VSIG1: variants seen among roughly 807,000 people sequenced by gnomAD.
VSIG1 encodes the protein V-set and immunoglobulin domain-containing protein 1.
Under a neutral mutation model 20.1 loss-of-function variants are expected in VSIG1, and 11 were observed. The ratio of observed to expected loss-of-function variants is 0.55; its 90% CI spans 0.34 to 0.91. VSIG1 has a LOEUF of 0.91. VSIG1 is among the 40% of genes least tolerant of loss of function. The pLI is 0.02. For missense variants in VSIG1, 283 were observed against 298.8 expected (o/e 0.95, Z 0.39); for synonymous variants, 126 against 116.7 (o/e 1.08, Z -0.52).
At chrX:108,024,243 A>G in the VSIG1 span, among the ~76,000 whole-genome samples, 1 of 111,621 alleles carries the variant, frequency 9.0e-6, no homozygotes, top group South Asian at 3.7e-4. Context: ...ATTTGTTCAT[A>G]GTATTTTCTG....
intron 1 of VSIG1, among the ~76,000 whole-genome samples, chrX:108,047,094 A>T (rs994625144): frequency 9.0e-6 from 1 of 111,567 alleles, no homozygotes; most frequent in Non-Finnish European, 1.9e-5. Flanking sequence ...TAGTGTTTCC[A>T]TCAATGTGCA....
intron 1 of VSIG1, among the ~76,000 whole-genome samples, chrX:108,052,414 C>T (rs1052881297): frequency 4.5e-5 from 5 of 110,916 alleles, no homozygotes; most frequent in Admixed American, 1.9e-4. Context: ...GCCTGGGCCA[C>T]GTGGTGAAAC....
upstream of VSIG1, chrX:108,045,055 C>G: frequency 1.7e-5 from 16 of 944,693 alleles, no homozygotes; most frequent in Non-Finnish European, 2.3e-5. Flanking sequence ...TCGGTGTGAT[C>G]GAAGAAGCCA....
the VSIG1 span, among the ~76,000 whole-genome samples, chrX:108,030,832 T>G: frequency 8.9e-6 from 1 of 111,935 alleles, no homozygotes; most frequent in Non-Finnish European, 1.9e-5. Flanking sequence ...CTTTCAAATG[T>G]GATCTTTGTA....
chrX:108,027,953 A>G, the VSIG1 span, among the ~76,000 whole-genome samples: 1 of 111,497 alleles, frequency 9.0e-6, no homozygotes, highest in East Asian at 2.8e-4. Flanking sequence ...ATAAAACTCC[A>G]AGAGCTTGAT....
chrX:108,020,619 T>C, the VSIG1 span, among the ~76,000 whole-genome samples: 1 of 112,125 alleles, frequency 8.9e-6, no homozygotes, highest in Non-Finnish European at 1.9e-5. Context: ...ACCAGTCTTC[T>C]CTGTCTGGCT....
intron 3 of VSIG1, among the ~76,000 whole-genome samples, chrX:108,070,552 A>C (rs2031218344): frequency 8.9e-6 from 1 of 112,592 alleles, no homozygotes; most frequent in Admixed American, 9.4e-5. Flanking sequence ...AATTTAGTTC[A>C]AGTCCTGGTG....
intron 3 of VSIG1, among the ~76,000 whole-genome samples, chrX:108,067,870 T>C (rs1418079236): frequency 8.9e-6 from 1 of 111,884 alleles, no homozygotes; most frequent in Non-Finnish European, 1.9e-5. Context: ...CAGGCTGGTA[T>C]TGGGAAGTAT....
At chrX:108,072,159 C>T (rs1433296746) in intron 3 of VSIG1, among the ~76,000 whole-genome samples, 1 of 110,268 alleles carries the variant, frequency 9.1e-6, no homozygotes, top group African/African-American at 3.3e-5. Flanking sequence ...CTATTTGAAT[C>T]TTAATGGCCT....
At chrX:108,044,633 C>G (rs1292709821), upstream of VSIG1, among the ~76,000 whole-genome samples, 1 of 111,389 alleles carries the variant, frequency 9.0e-6, no homozygotes, top group African/African-American at 3.3e-5. Context: ...TGTGCCCTTC[C>G]CGTGAGCCCC....
chrX:108,059,972 C>T (rs771054444), intron 2 of VSIG1, among the ~76,000 whole-genome samples: 25 of 111,585 alleles, frequency 2.2e-4, no homozygotes, highest in Non-Finnish European at 4.0e-4. Flanking sequence ...CTGGGATTTA[C>T]AAGGCTACCT....
At chrX:108,044,999 G>A (rs1436726738), upstream of VSIG1, 4 of 409,826 alleles carry the variant, frequency 9.8e-6, no homozygotes, top group Non-Finnish European at 1.6e-5. Context: ...TAAGCCCAAA[G>A]AGGCATGTTT....
intron 2 of VSIG1, among the ~76,000 whole-genome samples, chrX:108,065,171 A>T (rs2031103713): frequency 8.9e-6 from 1 of 112,178 alleles, no homozygotes. Context: ...TAGTTTTAAA[A>T]TATATTGACT....
At chrX:108,047,984 A>AT in intron 1 of VSIG1, among the ~76,000 whole-genome samples, 1 of 72,593 alleles carries the variant, frequency 1.4e-5, no homozygotes, top group South Asian at 7.3e-4. Context: ...ATATATATAT[A>AT]TATATATATA....
At chrX:108,076,351 T>A in intron 6 of VSIG1, 133 bp downstream of exon 6, 2 of 795,454 alleles carry the variant, frequency 2.5e-6, no homozygotes, top group Non-Finnish European at 3.5e-6. Flanking sequence ...TCATTGAATT[T>A]AAAAAAGAAT....
intron 1 of VSIG1, among the ~76,000 whole-genome samples, chrX:108,053,106 CAAA>C (rs1014659541): frequency 9.0e-6 from 1 of 111,708 alleles, no homozygotes; most frequent in African/African-American, 3.2e-5. Context: ...TGAAGGAAAA[CAAA>C]AAGATTTGTT....
At chrX:108,020,090 A>G in the VSIG1 span, among the ~76,000 whole-genome samples, 1 of 112,341 alleles carries the variant, frequency 8.9e-6, no homozygotes, top group Non-Finnish European at 1.9e-5. Flanking sequence ...TCTACTCACT[A>G]TTTTGGTTTT....
At chrX:108,052,529 T>C (rs1312452383) in intron 1 of VSIG1, among the ~76,000 whole-genome samples, 2 of 110,390 alleles carry the variant, frequency 1.8e-5, no homozygotes, top group Non-Finnish European at 3.8e-5. Flanking sequence ...GATGGGAGAA[T>C]TGCTTAAGCC....
intron 5 of VSIG1, among the ~76,000 whole-genome samples, chrX:108,074,322 G>T (rs1228570726): frequency 9.0e-6 from 1 of 111,081 alleles, no homozygotes; most frequent in Non-Finnish European, 1.9e-5. Context: ...TCTTTCTTTA[G>T]AATTCCCTCA....
Sources: gnomAD v4.1 joint callset for allele counts (sites outside exome capture counted in the v4.1 genomes callset) on GRCh38, gnomAD v4.1.1 for gene constraint, MANE v1.5 for transcripts, NCBI Gene and HGNC (gene_info 2026-07-23, HGNC 2026-07-21) for gene names.